MGAT4C: variants seen among roughly 807,000 people sequenced by gnomAD.
The protein encoded by MGAT4C is alpha-1,3-mannosyl-glycoprotein 4-beta-N-acetylglucosaminyltransferase C.
A neutral mutation model predicts 40.1 loss-of-function variants in MGAT4C; 19 were observed. The ratio of observed to expected loss-of-function variants is 0.47; its 90% CI spans 0.33 to 0.70. The LOEUF is 0.70. MGAT4C is among the 30% of genes least tolerant of loss of function. The pLI, the probability that MGAT4C is intolerant of heterozygous loss-of-function variation, is 0.02. For synonymous variants in MGAT4C, 181 were observed against 187.1 expected (o/e 0.97, Z 0.27); for missense variants, 491 against 563.2 (o/e 0.87, Z 1.30).
chr12:86,269,361 A>T (rs893185115), intron 4 of MGAT4C, among the ~76,000 whole-genome samples: 31 of 149,734 alleles, frequency 2.1e-4, no homozygotes, highest in South Asian at 4.2e-4. Context: ...AGTAAAGTTT[A>T]TTTTTTTTTC....
chr12:86,465,621 T>A lies in MGAT4C; in HGVS notation c.-228-30356A>T, dbSNP rs781070694. Reference sequence around the variant, plus strand: ...GGATACACAGATGACAAAGAGCATATGAAAAGATGCTCCACAATATATGTC... The same window carrying A: ...GGATACACAGATGACAAAGAGCATAAGAAAAGATGCTCCACAATATATGTC... On this transcript the variant is annotated intron_variant, in intron 2 of 7. Coordinates refer to the MGAT4C transcript ENST00000548651. Among the ~76,000 whole-genome samples the A allele has an allele frequency of 2.0e-5, 3 of 151,958 alleles. No homozygotes were observed. In the East Asian group the frequency reaches 5.8e-4, roughly 29 times the overall value.
intron 1 of MGAT4C, among the ~76,000 whole-genome samples, chr12:86,805,584 A>G (rs1234768040): frequency 1.3e-5 from 2 of 151,960 alleles, no homozygotes; most frequent in African/African-American, 4.8e-5. Context: ...TCCATGGTGT[A>G]TATGTGCTAC....
intron 1 of MGAT4C, among the ~76,000 whole-genome samples, chr12:86,106,876 A>G (rs1157117889): frequency 6.6e-6 from 1 of 152,178 alleles, no homozygotes; most frequent in East Asian, 1.9e-4. Flanking sequence ...TCAGTTTTTC[A>G]TATTTTCCAA....
intron 1 of MGAT4C, among the ~76,000 whole-genome samples, chr12:86,779,997 C>T (rs1472039692): frequency 4.6e-5 from 7 of 151,552 alleles, no homozygotes; most frequent in African/African-American, 1.7e-4. Context: ...TGAAGGTTGG[C>T]CAAAATTAAT....
At chr12:86,458,075 A>C (rs1957539308) in intron 2 of MGAT4C, among the ~76,000 whole-genome samples, 1 of 152,152 alleles carries the variant, frequency 6.6e-6, no homozygotes, top group South Asian at 2.1e-4. Flanking sequence ...AACAGCAAAT[A>C]ATACAAAATA....
intron 1 of MGAT4C, among the ~76,000 whole-genome samples, chr12:86,250,610 T>C (rs1952235574): frequency 6.6e-6 from 1 of 152,060 alleles, no homozygotes; most frequent in South Asian, 2.1e-4. Flanking sequence ...GAATAAAAAG[T>C]AGCAAAGTAA....
At chr12:86,715,722 C>T (rs1950635294) in intron 2 of MGAT4C, among the ~76,000 whole-genome samples, 2 of 152,128 alleles carry the variant, frequency 1.3e-5, no homozygotes, top group East Asian at 1.9e-4. Flanking sequence ...ACTCCTTTTA[C>T]TCTGTCACTA....
Position 86,036,853 on chromosome 12 carries a change from G to A in MGAT4C, c.-7+12821C>T, listed in dbSNP as rs1045020988. On this transcript the variant is annotated intron_variant, in intron 2 of 4. Coordinates refer to ENST00000611864, the MANE Select transcript of MGAT4C (RefSeq NM_001351288.2). ...CCCCCTTTTTCTATTGTTTGGAATA[G>A]TTTCAGAAGGAATGATACCAGCTCC... is the stretch of plus-strand genomic sequence containing the variant. Among the ~76,000 whole-genome samples the A allele has an allele frequency of 3.3e-5, 5 of 149,946 alleles. 1 individual carries two copies. The highest frequency in any genetic ancestry group is 7.5e-5 in the Non-Finnish European group (5 of 66,910).
At chr12:86,287,224 A>G (rs1953373530) in intron 4 of MGAT4C, among the ~76,000 whole-genome samples, 1 of 151,968 alleles carries the variant, frequency 6.6e-6, no homozygotes, top group Non-Finnish European at 1.5e-5. Context: ...GAAGTGTATA[A>G]TTATTTGCCT....
chr12:86,746,572 G>A (rs1210123514), intron 1 of MGAT4C, among the ~76,000 whole-genome samples: 1 of 151,626 alleles, frequency 6.6e-6, no homozygotes, highest in East Asian at 1.9e-4. Context: ...GTTCAGTTAG[G>A]ACTATTATTC....
At chr12:86,643,161 A>G (rs1004160106) in intron 2 of MGAT4C, among the ~76,000 whole-genome samples, 1 of 151,610 alleles carries the variant, frequency 6.6e-6, no homozygotes, top group Non-Finnish European at 1.5e-5. Flanking sequence ...GAGATGGCCA[A>G]ACTCGCTTTT....
chr12:86,353,176 C>T (rs1049013468), intron 3 of MGAT4C, among the ~76,000 whole-genome samples: 1 of 151,956 alleles, frequency 6.6e-6, no homozygotes, highest in Non-Finnish European at 1.5e-5. Flanking sequence ...CTCCACTTTT[C>T]AATGCTTATC....
At chr12:86,175,231 A>G (rs753276235) in intron 1 of MGAT4C, among the ~76,000 whole-genome samples, 32 of 152,176 alleles carry the variant, frequency 2.1e-4, no homozygotes, top group Non-Finnish European at 4.1e-4. Context: ...GATATATGCA[A>G]ATAGTACTTG....
At chr12:86,009,839 A>T (rs1328488266) in intron 2 of MGAT4C, among the ~76,000 whole-genome samples, 1 of 152,160 alleles carries the variant, frequency 6.6e-6, no homozygotes, top group African/African-American at 2.4e-5. Context: ...GAAAAATCTA[A>T]TCCTACCTGG....
At chr12:86,535,306 A>C (rs1339534414) in intron 2 of MGAT4C, among the ~76,000 whole-genome samples, 1 of 152,138 alleles carries the variant, frequency 6.6e-6, no homozygotes, top group African/African-American at 2.4e-5. Flanking sequence ...TTTTTGTTTT[A>C]TAATTCTTAA....
At chr12:86,630,914 C>G (rs1410300406) in intron 2 of MGAT4C, among the ~76,000 whole-genome samples, 3 of 152,020 alleles carry the variant, frequency 2.0e-5, no homozygotes, top group Non-Finnish European at 4.4e-5. Flanking sequence ...GGCAATCAGG[C>G]AAGAGAAAGA....
At chr12:86,437,230 TAGA>T (rs1279628638) in intron 2 of MGAT4C, among the ~76,000 whole-genome samples, 12 of 151,858 alleles carry the variant, frequency 7.9e-5, no homozygotes, top group African/African-American at 2.4e-4. Flanking sequence ...GCTTATATTT[TAGA>T]AGAAGATTGT....
chr12:86,610,318 A>AC (rs1962203701), intron 2 of MGAT4C, among the ~76,000 whole-genome samples: 1 of 152,186 alleles, frequency 6.6e-6, no homozygotes, highest in Non-Finnish European at 1.5e-5. Flanking sequence ...TCAGGAGGAT[A>AC]TATAACCCTG....
chr12:86,595,102 G>A (rs923999138), intron 2 of MGAT4C, among the ~76,000 whole-genome samples: 1 of 152,092 alleles, frequency 6.6e-6, no homozygotes, highest in Non-Finnish European at 1.5e-5. Context: ...GTTAAAATAG[G>A]TTCTAATTTA....
Sources: gnomAD v4.1 joint callset for allele counts (sites outside exome capture counted in the v4.1 genomes callset) on GRCh38, gnomAD v4.1.1 for gene constraint, MANE v1.5 for transcripts, NCBI Gene and HGNC (gene_info 2026-07-23, HGNC 2026-07-21) for gene names.